MLLT10: variants seen among roughly 807,000 people sequenced by gnomAD.
The protein encoded by MLLT10 is protein AF-10.
A neutral mutation model predicts 129.1 loss-of-function variants in MLLT10; 30 were observed. That is an observed-to-expected ratio of 0.23 (90% confidence interval 0.17 to 0.32). The LOEUF (loss-of-function observed/expected upper bound fraction) is 0.32, where lower values mean the gene tolerates loss of function less well. Among genes scored for constraint, MLLT10 ranks in the 10% least tolerant of loss-of-function variants. The probability of loss-of-function intolerance (pLI) is 1.00; values close to 1 mark genes in which losing one functional copy is unlikely to be tolerated. For missense variants in MLLT10, 1,119 were observed against 1,268.3 expected (o/e 0.88, Z 1.79); for synonymous variants, 490 against 446.4 (o/e 1.10, Z -1.23).
chr10:21,600,056 C>CT (rs2043373892), intron 5 of MLLT10, among the ~76,000 whole-genome samples: 1 of 152,174 alleles, frequency 6.6e-6, no homozygotes, highest in South Asian at 2.1e-4. Context: ...GCTGAATAAT[C>CT]TATGTTTTCC....
chr10:21,679,385 A>G (rs2052517850), intron 11 of MLLT10, among the ~76,000 whole-genome samples: 1 of 152,182 alleles, frequency 6.6e-6, no homozygotes, highest in Non-Finnish European at 1.5e-5. Context: ...TATCTTCACC[A>G]CATTACAAAA....
chr10:21,657,102 A>C (rs1023953005), intron 9 of MLLT10, among the ~76,000 whole-genome samples: 10 of 152,100 alleles, frequency 6.6e-5, no homozygotes, highest in Admixed American at 2.6e-4. Context: ...AAGGAAAAAA[A>C]GGGGAGATGC....
chr10:21,716,850 T>A (rs1399119786), intron 14 of MLLT10, among the ~76,000 whole-genome samples: 1 of 151,192 alleles, frequency 6.6e-6, no homozygotes, highest in East Asian at 1.9e-4. Context: ...AAAGTAGGAG[T>A]TTTTATTGAT....
At chr10:21,714,747 G>C (rs2056402009) in intron 14 of MLLT10, among the ~76,000 whole-genome samples, 2 of 152,182 alleles carry the variant, frequency 1.3e-5, no homozygotes, top group African/African-American at 4.8e-5. Context: ...GGCCAGGCTG[G>C]TCTTCAACCC....
At chr10:21,585,972 G>T (rs1291343075) in intron 3 of MLLT10, among the ~76,000 whole-genome samples, 2 of 152,080 alleles carry the variant, frequency 1.3e-5, no homozygotes, top group African/African-American at 4.8e-5. Context: ...TGTTGGTCAG[G>T]CTGGTCTCGA....
chr10:21,581,044 ATTT>A (rs35410894), intron 3 of MLLT10, among the ~76,000 whole-genome samples: 3 of 128,712 alleles, frequency 2.3e-5, no homozygotes, highest in Non-Finnish European at 3.3e-5. Flanking sequence ...TGTTCAGTGA[ATTT>A]TTTTTTTTTT....
At chr10:21,735,356 T>C (rs368895312) in intron 21 of MLLT10, 121 bp downstream of exon 21, 25 of 814,040 alleles carry the variant, frequency 3.1e-5, no homozygotes, top group East Asian at 5.1e-5. Flanking sequence ...CAAAAAAGTT[T>C]TTCTTGCCAT....
chr10:21,588,981 G>A (rs1373381251), intron 4 of MLLT10, among the ~76,000 whole-genome samples: 4 of 151,610 alleles, frequency 2.6e-5, no homozygotes, highest in Non-Finnish European at 4.4e-5. Context: ...ACACCACCGC[G>A]CCCAGCTGAT....
intron 3 of MLLT10, among the ~76,000 whole-genome samples, chr10:21,562,453 T>A (rs2131001545): frequency 6.6e-6 from 1 of 151,888 alleles, no homozygotes; most frequent in Non-Finnish European, 1.5e-5. Context: ...TTCTCATGTC[T>A]CAGCCTCCCA....
rs2130869928 is a variant in MLLT10, at chr10:21,534,389, G to A, written c.-132G>A. The A allele has an allele frequency of 4.5e-6, 2 of 445,190 alleles. No homozygotes were observed. The highest frequency in any genetic ancestry group is 6.9e-5 in the East Asian group (2 of 29,074). 27.6% of individuals were successfully genotyped at this position (445,190 alleles called of 1,614,324 possible). On this transcript the variant is annotated 5_prime_UTR_variant, in exon 1 of 23. Transcript: ENST00000307729. Reference sequence around the variant, plus strand: ...CGGGCGCCCGCGTTAGCGGCCGGGTGGAGGTGGGGAGGGAAGACGCTGAGG... The same window carrying A: ...CGGGCGCCCGCGTTAGCGGCCGGGTAGAGGTGGGGAGGGAAGACGCTGAGG...
chr10:21,717,629 C>CTTT (rs1394179779), intron 14 of MLLT10, among the ~76,000 whole-genome samples: 2 of 129,358 alleles, frequency 1.5e-5, no homozygotes, highest in Admixed American at 7.7e-5. Context: ...CTTCCTCCTC[C>CTTT]TCCTCCTCCT....
At chr10:21,558,216 G>A (rs1373834104) in intron 3 of MLLT10, among the ~76,000 whole-genome samples, 1 of 151,954 alleles carries the variant, frequency 6.6e-6, no homozygotes, top group African/African-American at 2.4e-5. Flanking sequence ...CTCCCAAAGT[G>A]CTGGGACTAC....
At chr10:21,738,373 T>G (rs1451411033) in intron 21 of MLLT10, 2 of 1,280,778 alleles carry the variant, frequency 1.6e-6, no homozygotes, top group Non-Finnish European at 2.0e-6. Context: ...TTGGGTGTCT[T>G]CCTATTAATC....
At chr10:21,705,131 G>A (rs551152018) in intron 13 of MLLT10, among the ~76,000 whole-genome samples, 3 of 152,178 alleles carry the variant, frequency 2.0e-5, no homozygotes, top group African/African-American at 7.2e-5. Flanking sequence ...TGTGGTGTGC[G>A]AAGACGGTGG....
At chr10:21,664,944 C>CTTTTTTTTT (rs146373535) in intron 9 of MLLT10, among the ~76,000 whole-genome samples, 1 of 119,404 alleles carries the variant, frequency 8.4e-6, no homozygotes, top group African/African-American at 3.3e-5. Flanking sequence ...TTTTTCTTTT[C>CTTTTTTTTT]TTTTTTTTTT....
chr10:21,677,799 G>A (rs1299630497), intron 11 of MLLT10, among the ~76,000 whole-genome samples: 3 of 152,152 alleles, frequency 2.0e-5, no homozygotes, highest in Non-Finnish European at 4.4e-5. Flanking sequence ...ATGACAGGTC[G>A]ATAATTTAGT....
Position 21,670,621 on chromosome 10 carries a change from A to C in MLLT10, c.968A>C (p.His323Pro). The change falls in exon 10 of 23, where the codon CAC becomes CCC. Residue 323 changes from histidine (H) to proline (P), a missense_variant. Physicochemically the swap from His to Pro is moderately conservative, Grantham distance 77. Transcript: ENST00000307729. The part of the protein sequence containing the change: ...SEGKGKKSSA[H>P]SSGQRGRKPG... ...GGCAAAGGGAAGAAATCTTCAGCTC[A>C]CAGCTCAGGTCAAAGGGGAAGAAAG... is the stretch of plus-strand genomic sequence containing the variant. 6.2e-7 allele frequency: 1 copy of C among 1,614,188 alleles called. No individual in the cohort carries two copies.
intron 2 of MLLT10, among the ~76,000 whole-genome samples, chr10:21,535,024 C>T (rs1309086620): frequency 1.3e-5 from 2 of 149,522 alleles, no homozygotes; most frequent in African/African-American, 2.4e-5. Context: ...TCTCAAGTGT[C>T]ATTCGGCCGC....
intron 9 of MLLT10, among the ~76,000 whole-genome samples, chr10:21,669,929 T>C (rs1267867379): frequency 6.6e-6 from 1 of 152,190 alleles, no homozygotes; most frequent in African/African-American, 2.4e-5. Context: ...TTCTGTTTTT[T>C]TTTGCAAAGG....
Sources: allele counts gnomAD v4.1 joint callset (sites outside exome capture counted in the v4.1 genomes callset), GRCh38; gene constraint gnomAD v4.1.1; transcripts MANE v1.5; gene names NCBI Gene and HGNC (gene_info 2026-07-23, HGNC 2026-07-21).